Variants in SLC29A3 observed in about 807,000 individuals in gnomAD.
SLC29A3 encodes equilibrative nucleoside transporter 3.
SLC29A3 carries 18 observed loss-of-function variants against 25.4 expected under a neutral mutation model. That is an observed-to-expected ratio of 0.71 (90% CI 0.49 to 1.05). The LOEUF is 1.05. Ranked by LOEUF, SLC29A3 falls within the 50% of genes least tolerant of loss-of-function variation. SLC29A3 has a pLI of 0.00. For missense variants in SLC29A3, 586 were observed against 609.0 expected (o/e 0.96, Z 0.40); for synonymous variants, 258 against 267.1 (o/e 0.97, Z 0.33).
At chr10:71,342,437 G>T (rs1278993503) in intron 2 of SLC29A3, among the ~76,000 whole-genome samples, 1 of 152,210 alleles carries the variant, frequency 6.6e-6, no homozygotes, top group Non-Finnish European at 1.5e-5. Flanking sequence ...TATCCAAAAA[G>T]CTTTTCAACA....
At chr10:71,361,574 G>A (rs1021048554) in intron 5 of SLC29A3, among the ~76,000 whole-genome samples, 3 of 152,156 alleles carry the variant, frequency 2.0e-5, no homozygotes, top group African/African-American at 7.2e-5. Context: ...TGGGTTTGTT[G>A]TATCAAGCTT....
At chr10:71,347,544 G>A (rs1435172445) in intron 3 of SLC29A3, among the ~76,000 whole-genome samples, 2 of 152,240 alleles carry the variant, frequency 1.3e-5, no homozygotes, top group Non-Finnish European at 2.9e-5. Flanking sequence ...GGAAGCAGCA[G>A]AGAGGGAAGC....
At chr10:71,373,786 T>C (rs1009526785) in intron 3 of SLC29A3, among the ~76,000 whole-genome samples, 2 of 152,066 alleles carry the variant, frequency 1.3e-5, no homozygotes, top group East Asian at 3.9e-4. Flanking sequence ...CTTGAACCTA[T>C]AAGGAAGGGC....
At chr10:71,347,554 C>G (rs1846624966) in intron 3 of SLC29A3, among the ~76,000 whole-genome samples, 1 of 152,206 alleles carries the variant, frequency 6.6e-6, no homozygotes, top group Admixed American at 6.5e-5. Context: ...GAGAGGGAAG[C>G]CAGTGTCCTC....
chr10:71,379,793 A>G (rs1000799001), exon 5 of SLC29A3: 1 of 152,228 alleles, frequency 6.6e-6, no homozygotes, highest in African/African-American at 2.4e-5. Context: ...GAGGAGTGCT[A>G]TAGGCTGGAC....
chr10:71,356,377 C>G (rs1372853958), intron 5 of SLC29A3, 134 bp downstream of exon 5: 1 of 1,147,208 alleles, frequency 8.7e-7, no homozygotes, highest in Non-Finnish European at 1.2e-6. Flanking sequence ...AACAAATAGG[C>G]TTGGCTGGTG....
chr10:71,330,456 C>T (rs1846091774), intron 2 of SLC29A3, among the ~76,000 whole-genome samples: 1 of 152,214 alleles, frequency 6.6e-6, no homozygotes, highest in Non-Finnish European at 1.5e-5. Context: ...GTAAAGGCTC[C>T]ACAGCTAGGT....
chr10:71,363,486 C>T (rs1358361212), downstream of SLC29A3: 4 of 383,408 alleles, frequency 1.0e-5, no homozygotes, highest in East Asian at 1.4e-4. Flanking sequence ...ATTATTGAGA[C>T]AAGATATTGC....
At chr10:71,349,602 C>T (rs2131836417) in intron 3 of SLC29A3, among the ~76,000 whole-genome samples, 1 of 152,142 alleles carries the variant, frequency 6.6e-6, no homozygotes, top group Non-Finnish European at 1.5e-5. Context: ...TGGCTGACCA[C>T]CTCCCCAGGA....
intron 2 of SLC29A3, among the ~76,000 whole-genome samples, chr10:71,327,551 A>G (rs1846000473): frequency 6.6e-6 from 1 of 152,188 alleles, no homozygotes; most frequent in Non-Finnish European, 1.5e-5. Context: ...TTCTTAAGAC[A>G]AAAAGCCAGA....
intron 4 of SLC29A3, among the ~76,000 whole-genome samples, chr10:71,354,527 T>C (rs1846846005): frequency 6.6e-6 from 1 of 152,208 alleles, no homozygotes; most frequent in Non-Finnish European, 1.5e-5. Context: ...AGGCAGAGCA[T>C]GGGGAGCCGT....
chr10:71,360,878 T>G lies in SLC29A3; in HGVS notation c.774-1076T>G, dbSNP rs10999783. On this transcript the variant is annotated intron_variant, in intron 5 of 5. Coordinates refer to ENST00000373189, the MANE Select transcript of SLC29A3 (RefSeq NM_018344.6). ...GGGAGACATAGGCCACATGTTCCTG[T>G]GTAGAAGGATGGCCACAAGATACTG... Among the ~76,000 whole-genome samples, 6 of 152,350 alleles carry G rather than the reference T, an allele frequency of 3.9e-5. No individual in the cohort carries two copies. The East Asian group carries it at 1.2e-3, about 29-fold the overall frequency.
intron 2 of SLC29A3, among the ~76,000 whole-genome samples, chr10:71,336,521 T>G (rs1804206472): frequency 1.3e-5 from 2 of 151,126 alleles, no homozygotes; most frequent in African/African-American, 2.4e-5. Context: ...TCAAGGAGTG[T>G]GGAGTGAAGG....
At chr10:71,377,675 T>C (rs1847263706) in intron 4 of SLC29A3, among the ~76,000 whole-genome samples, 1 of 152,224 alleles carries the variant, frequency 6.6e-6, no homozygotes, top group South Asian at 2.1e-4. Context: ...CTTTTTGTTT[T>C]GTCCCCAGAT....
At chr10:71,326,511 G>A (rs544553023) in intron 2 of SLC29A3, among the ~76,000 whole-genome samples, 104 of 152,296 alleles carry the variant, frequency 6.8e-4, no homozygotes, top group Non-Finnish European at 1.2e-3. Context: ...TCTGCCAGCC[G>A]TGGTAAATCA....
At chr10:71,336,364 G>T (rs909545977) in intron 2 of SLC29A3, among the ~76,000 whole-genome samples, 2 of 152,116 alleles carry the variant, frequency 1.3e-5, no homozygotes, top group African/African-American at 2.4e-5. Flanking sequence ...AGACGGGGTA[G>T]CATGCAGTGT....
At chr10:71,330,087 G>T (rs1846084859) in intron 2 of SLC29A3, among the ~76,000 whole-genome samples, 1 of 152,226 alleles carries the variant, frequency 6.6e-6, no homozygotes. Context: ...CCACCCGCAA[G>T]CCCACAGTTC....
chr10:71,363,727 C>G (rs1435691200), downstream of SLC29A3, among the ~76,000 whole-genome samples: 2 of 151,870 alleles, frequency 1.3e-5, no homozygotes, highest in African/African-American at 4.8e-5. Flanking sequence ...CCCACCTCAG[C>G]TTCCCAAAGT....
chr10:71,377,850 G>GTAGGGAAAGTATGGTTA (rs55781960), intron 4 of SLC29A3, among the ~76,000 whole-genome samples: 137,010 of 152,112 alleles, frequency 0.9, 62,212 homozygotes, highest in African/African-American at 0.97. Context: ...ATCTGATTTT[G>GTAGGGAAAGTATGGTTA]CTGTCCCAAG....
Sources: gnomAD v4.1 joint callset for allele counts (sites outside exome capture counted in the v4.1 genomes callset) on GRCh38, gnomAD v4.1.1 for gene constraint, MANE v1.5 for transcripts, NCBI Gene and HGNC (gene_info 2026-07-23, HGNC 2026-07-21) for gene names.